Variants in ASTN2 observed in about 807,000 individuals in gnomAD.
ASTN2 encodes astrotactin-2.
ASTN2 carries 54 observed loss-of-function variants against 139.8 expected under a neutral mutation model. That is an observed-to-expected ratio of 0.39 (90% confidence interval 0.31 to 0.48). The LOEUF is 0.48. Among genes scored for constraint, ASTN2 ranks in the 20% least tolerant of loss-of-function variants. The pLI is 0.95. For synonymous variants in ASTN2, 756 were observed against 719.5 expected (o/e 1.05, Z -0.81); for missense variants, 1,565 against 1,725.1 (o/e 0.91, Z 1.64).
chr9:116,588,744 T>C (rs1003334625), intron 19 of ASTN2, among the ~76,000 whole-genome samples: 3 of 152,188 alleles, frequency 2.0e-5, no homozygotes, highest in Non-Finnish European at 2.9e-5. Context: ...GCCACTTACA[T>C]ACAGATCTTA....
chr9:116,632,252 G>GGAAGGAAAGAAA (rs1554723352), intron 17 of ASTN2, among the ~76,000 whole-genome samples: 8 of 70,916 alleles, frequency 1.1e-4, no homozygotes, highest in African/African-American at 2.8e-4. Context: ...AAAGAAAGAA[G>GGAAGGAAAGAAA]GAAAGAAAGA....
At chr9:116,936,109 A>C in intron 10 of ASTN2, among the ~76,000 whole-genome samples, 1 of 656 alleles carries the variant, frequency 1.5e-3, no homozygotes, top group Non-Finnish European at 3.0e-3. Flanking sequence ...CACTACCACT[A>C]AAACCACCAC....
At chr9:117,001,595 C>T (rs1006800512) in intron 7 of ASTN2, among the ~76,000 whole-genome samples, 4 of 152,160 alleles carry the variant, frequency 2.6e-5, no homozygotes, top group Non-Finnish European at 4.4e-5. Context: ...CTAAACTGAC[C>T]TCTGAGTCCT....
chr9:117,405,070 TAA>T (rs1830943208), intron 1 of ASTN2, among the ~76,000 whole-genome samples: 1 of 152,146 alleles, frequency 6.6e-6, no homozygotes, highest in Non-Finnish European at 1.5e-5. Context: ...GGGGAGCTGC[TAA>T]GTCAGCTCCT....
intron 19 of ASTN2, among the ~76,000 whole-genome samples, chr9:116,499,916 A>C (rs1293384867): frequency 6.6e-6 from 1 of 152,152 alleles, no homozygotes; most frequent in Non-Finnish European, 1.5e-5. Context: ...GGACCATAAT[A>C]AAAAGAATGC....
At chr9:116,797,805 A>G (rs1440142052) in intron 13 of ASTN2, among the ~76,000 whole-genome samples, 1 of 152,188 alleles carries the variant, frequency 6.6e-6, no homozygotes, top group Non-Finnish European at 1.5e-5. Context: ...GGACCTTGGC[A>G]TTGGTGCTCC....
chr9:116,929,350 C>T (rs1426350213), intron 10 of ASTN2, among the ~76,000 whole-genome samples: 1 of 152,108 alleles, frequency 6.6e-6, no homozygotes, highest in African/African-American at 2.4e-5. Context: ...CTAAGTCAGG[C>T]CTAGCTACAA....
chr9:117,008,011 T>C lies in ASTN2; in HGVS notation c.1591+81A>G, dbSNP rs562168458. ...TTGTCAATGGCTCAGAATCCATGGT[T>C]CTTTAGGTAGAGGGAGCACAATGCC... On this transcript the variant is annotated intron_variant, in intron 7 of 22. Coordinates refer to ENST00000313400, the MANE Select transcript of ASTN2 (RefSeq NM_001365068.1). 20 of 1,410,600 alleles carry C rather than the reference T, an allele frequency of 1.4e-5. No individual in the cohort carries two copies. In the South Asian group the frequency reaches 3.1e-4, roughly 22 times the overall value. 87.4% of individuals were successfully genotyped at this position (1,410,600 alleles called of 1,614,324 possible).
chr9:117,065,749 C>A (rs1207055592), intron 5 of ASTN2, among the ~76,000 whole-genome samples: 2 of 152,152 alleles, frequency 1.3e-5, no homozygotes, highest in African/African-American at 4.8e-5. Context: ...CATCTCTATG[C>A]CTATCTATCA....
chr9:117,074,605 C>T (rs781542953), intron 5 of ASTN2, among the ~76,000 whole-genome samples: 17 of 152,126 alleles, frequency 1.1e-4, no homozygotes, highest in African/African-American at 3.6e-4. Flanking sequence ...AGGCAGGATG[C>T]GCTGTCAGAA....
chr9:116,742,834 G>T (rs1829129612), intron 13 of ASTN2, among the ~76,000 whole-genome samples: 1 of 152,134 alleles, frequency 6.6e-6, no homozygotes, highest in African/African-American at 2.4e-5. Context: ...CGCTCCCATG[G>T]TGGCAGGGAT....
chr9:116,520,365 T>C (rs1850816387), intron 19 of ASTN2, among the ~76,000 whole-genome samples: 1 of 152,134 alleles, frequency 6.6e-6, no homozygotes. Context: ...TCAATAAATG[T>C]GATAGACCAC....
chr9:117,251,640 TG>T (rs1434613156), intron 2 of ASTN2, among the ~76,000 whole-genome samples: 1 of 152,198 alleles, frequency 6.6e-6, no homozygotes. Context: ...CTGTGAGTGA[TG>T]GGGAGTTTCT....
In ASTN2 at chr9:116,867,475, G is replaced by A. The variant is rs537940335; in HGVS notation, c.1890-3742C>T. ...TGAGGCAGGATAATGGCGTGAACCC[G>A]GGAGGCGGAGCTTGCAGTGAGCCAA... On this transcript the variant is annotated intron_variant, in intron 10 of 22. Transcript: ENST00000313400. Among the ~76,000 whole-genome samples, 150 of 150,002 alleles carry A rather than the reference G, an allele frequency of 1.0e-3. 1 individual carries two copies. The highest frequency in any genetic ancestry group is 6.9e-3 in the Middle Eastern group (2 of 290).
At chr9:116,645,288 C>T (rs1857533963) in intron 17 of ASTN2, among the ~76,000 whole-genome samples, 1 of 152,170 alleles carries the variant, frequency 6.6e-6, no homozygotes, top group African/African-American at 2.4e-5. Context: ...TGGCTTTGGG[C>T]TGTGTAAGAG....
chr9:116,763,854 T>C lies in ASTN2; in HGVS notation c.2397-30331A>G, dbSNP rs550118636. Reference sequence around the variant, plus strand: ...TTCTGCAACATGCAAAGCACTGAGCTAGGCCATTGCAGGTGGGTCTCTGCG... The same window carrying C: ...TTCTGCAACATGCAAAGCACTGAGCCAGGCCATTGCAGGTGGGTCTCTGCG... On this transcript the variant is annotated intron_variant, in intron 13 of 22. Transcript: ENST00000313400. Among the ~76,000 whole-genome samples, 14 of 152,228 alleles carry C rather than the reference T, an allele frequency of 9.2e-5. 1 individual carries two copies. In the South Asian group the frequency reaches 2.7e-3, roughly 29 times the overall value.
intron 3 of ASTN2, among the ~76,000 whole-genome samples, chr9:117,155,033 C>G (rs1165067681): frequency 6.6e-6 from 1 of 151,866 alleles, no homozygotes; most frequent in Non-Finnish European, 1.5e-5. Context: ...GGAAGAGGAG[C>G]AAAAGAAGAG....
At chr9:116,784,859 G>A (rs751010810) in intron 13 of ASTN2, among the ~76,000 whole-genome samples, 3 of 151,018 alleles carry the variant, frequency 2.0e-5, no homozygotes, top group Non-Finnish European at 4.4e-5. Context: ...AACCAGGGAG[G>A]TGGAGGTTGC....
At chr9:116,901,134 G>A (rs1040058579) in intron 10 of ASTN2, among the ~76,000 whole-genome samples, 3 of 151,888 alleles carry the variant, frequency 2.0e-5, no homozygotes, top group Non-Finnish European at 4.4e-5. Flanking sequence ...GTGTGTGAAA[G>A]CTGCATTATT....
Sources: gnomAD v4.1 joint callset for allele counts (sites outside exome capture counted in the v4.1 genomes callset) on GRCh38, gnomAD v4.1.1 for gene constraint, MANE v1.5 for transcripts, NCBI Gene and HGNC (gene_info 2026-07-23, HGNC 2026-07-21) for gene names.